The following DGKG variants were observed in gnomAD, a reference collection of about 807,000 sequenced individuals.
DGKG encodes diacylglycerol kinase gamma, also known as DAG kinase gamma.
DGKG carries 78 observed loss-of-function variants against 105.3 expected under a neutral mutation model. That is an observed-to-expected ratio of 0.74 (90% CI 0.62 to 0.89). DGKG has a LOEUF of 0.89. Ranked by LOEUF, DGKG falls within the 40% of genes least tolerant of loss-of-function variation. DGKG has a pLI of 0.00. For synonymous variants in DGKG, 346 were observed against 367.1 expected, an observed-to-expected ratio of 0.94 and a Z score of 0.66; for missense variants, 958 against 1,020.1, an observed-to-expected ratio of 0.94 and a Z score of 0.83.
intron 1 of DGKG, among the ~76,000 whole-genome samples, chr3:186,332,407 C>A (rs759968451): frequency 6.6e-6 from 1 of 152,116 alleles, no homozygotes; most frequent in African/African-American, 2.4e-5. Flanking sequence ...TTGTGAATAG[C>A]AATGGAAAAG....
rs1200699750 is a variant in DGKG at position 186,226,180 on chromosome 3, G to A, written c.1827-14295C>T. ...GAACTCACCACTTTGTACAAACCATGATTATTGTGAATTTTAAGATTATAC... is the reference window on the plus strand; with the variant it reads ...GAACTCACCACTTTGTACAAACCATAATTATTGTGAATTTTAAGATTATAC... On this transcript the variant is annotated intron_variant, in intron 20 of 24. Coordinates refer to ENST00000265022, the MANE Select transcript of DGKG (RefSeq NM_001346.3). This position sits in a 1 kb window ranked among gnomAD's most constrained non-coding sequence, Gnocchi z 4.2. 6.6e-6 allele frequency among the ~76,000 whole-genome samples: 1 copy of A among 152,180 alleles called. No homozygotes were observed. Among genetic ancestry groups the A allele is most frequent in the African/African-American group, 2.4e-5 (1 of 41,428 alleles).
At chr3:186,339,778 G>A (rs1726002135) in intron 1 of DGKG, among the ~76,000 whole-genome samples, 1 of 152,168 alleles carries the variant, frequency 6.6e-6, no homozygotes, top group Non-Finnish European at 1.5e-5. Flanking sequence ...AGTGTCAGCA[G>A]TACCCGGAAA....
At chr3:186,275,690 C>T in intron 9 of DGKG, 26 bp from the exon 10 acceptor site, 1 of 1,577,238 alleles carries the variant, frequency 6.3e-7, no homozygotes, top group Non-Finnish European at 8.7e-7. Context: ...GAGGTGAGAC[C>T]CCAAGCTGGC....
At chr3:186,251,724 C>G (rs772430558) in intron 19 of DGKG, 35 bp downstream of exon 19, 1 of 1,613,438 alleles carries the variant, frequency 6.2e-7, no homozygotes, top group East Asian at 2.2e-5. Context: ...GGGCGTTTCC[C>G]TTCCATACAG....
chr3:186,227,879 CACCAAAAT>C (rs903378662), intron 20 of DGKG, among the ~76,000 whole-genome samples: 4 of 152,186 alleles, frequency 2.6e-5, no homozygotes, highest in Non-Finnish European at 5.9e-5. Context: ...TCTGTTGTAT[CACCAAAAT>C]ACCCTTATGC....
At chr3:186,353,495 G>A (rs1279554883) in intron 1 of DGKG, among the ~76,000 whole-genome samples, 5 of 149,616 alleles carry the variant, frequency 3.3e-5, no homozygotes, top group African/African-American at 1.2e-4. Flanking sequence ...CTTCAGCCTG[G>A]GTGACAGAGT....
chr3:186,325,905 T>C (rs1384271683), intron 1 of DGKG, among the ~76,000 whole-genome samples: 1 of 152,178 alleles, frequency 6.6e-6, no homozygotes, highest in Non-Finnish European at 1.5e-5. Flanking sequence ...TTTCAGCACA[T>C]CCTTATTTTC....
At chr3:186,175,031 G>A (rs149851629) in intron 22 of DGKG, among the ~76,000 whole-genome samples, 3 of 152,278 alleles carry the variant, frequency 2.0e-5, no homozygotes, top group East Asian at 1.9e-4. Context: ...AGGGAGAAGC[G>A]ACATGTGGGC....
At chr3:186,309,276 A>T (rs1203113849) in intron 2 of DGKG, among the ~76,000 whole-genome samples, 2 of 152,006 alleles carry the variant, frequency 1.3e-5, no homozygotes, top group African/African-American at 2.4e-5. Flanking sequence ...TTCTCGGAAG[A>T]GACCAAGGGA....
chr3:186,358,838 C>T (rs544521086), intron 1 of DGKG, among the ~76,000 whole-genome samples: 26 of 152,132 alleles, frequency 1.7e-4, no homozygotes, highest in African/African-American at 5.1e-4. Context: ...TCATGATGCA[C>T]GTTCACAAGA....
chr3:186,321,410 G>C (rs1038155685), intron 1 of DGKG, among the ~76,000 whole-genome samples: 9 of 152,222 alleles, frequency 5.9e-5, no homozygotes, highest in Non-Finnish European at 1.2e-4. Flanking sequence ...ATCTACCACA[G>C]TAAGGGGATG....
chr3:186,355,673 C>T (rs1186969711), intron 1 of DGKG, among the ~76,000 whole-genome samples: 1 of 151,850 alleles, frequency 6.6e-6, no homozygotes, highest in Non-Finnish European at 1.5e-5. Context: ...TGTCCTACCA[C>T]TACCATCATT....
At chr3:186,158,723 A>G (rs1716147605) in intron 24 of DGKG, 2 of 972,058 alleles carry the variant, frequency 2.1e-6, no homozygotes, top group Non-Finnish European at 2.4e-6. Context: ...AAGCTTCTCA[A>G]TATCTGTCTG....
chr3:186,257,070 G>A (rs1200752023), intron 17 of DGKG, among the ~76,000 whole-genome samples: 1 of 152,222 alleles, frequency 6.6e-6, no homozygotes, highest in Non-Finnish European at 1.5e-5. Context: ...TGGAGCACAG[G>A]CAGCATTTTT....
intron 1 of DGKG, among the ~76,000 whole-genome samples, chr3:186,332,104 C>T (rs902690747): frequency 6.6e-6 from 1 of 152,132 alleles, no homozygotes; most frequent in Non-Finnish European, 1.5e-5. Context: ...AATAAGCCAC[C>T]TGTGGAGATG....
At chr3:186,353,650 G>GTCTATATCTATATCTATATCTATA (rs1434710376) in intron 1 of DGKG, among the ~76,000 whole-genome samples, 81 of 60,854 alleles carry the variant, frequency 1.3e-3, no homozygotes, top group African/African-American at 3.7e-3. Context: ...CTATATCTAT[G>GTCTATATCTATATCTATATCTATA]TCTATGTCTA....
At chr3:186,302,960 T>A (rs919335313) in intron 3 of DGKG, among the ~76,000 whole-genome samples, 4 of 152,148 alleles carry the variant, frequency 2.6e-5, no homozygotes, top group Non-Finnish European at 5.9e-5. Flanking sequence ...CTCAGTCTTC[T>A]GATGCCTCCG....
intron 1 of DGKG, among the ~76,000 whole-genome samples, chr3:186,341,483 G>GAAATA (rs763981230): frequency 1.3e-5 from 2 of 152,068 alleles, no homozygotes; most frequent in Non-Finnish European, 2.9e-5. Flanking sequence ...CACCAACTCA[G>GAAATA]AAATAAAATA....
chr3:186,333,708 G>C (rs1321546335), intron 1 of DGKG, among the ~76,000 whole-genome samples: 1 of 152,148 alleles, frequency 6.6e-6, no homozygotes, highest in East Asian at 1.9e-4. Context: ...CTCCATTAAG[G>C]CTAGCAGCTC....
Sources: allele counts gnomAD v4.1 joint callset (sites outside exome capture counted in the v4.1 genomes callset), GRCh38; gene constraint gnomAD v4.1.1; non-coding constraint Gnocchi (gnomAD v3.1); transcripts MANE v1.5; gene names NCBI Gene and HGNC (gene_info 2026-07-23, HGNC 2026-07-21).